Variants in CRPPA observed in about 807,000 individuals in gnomAD.
CRPPA encodes CDP-L-ribitol pyrophosphorylase A, also known as D-ribitol-5-phosphate cytidylyltransferase.
CRPPA carries 43 observed loss-of-function variants against 52.0 expected under a neutral mutation model. The ratio of observed to expected loss-of-function variants is 0.83; its 90% CI spans 0.65 to 1.07. The LOEUF (loss-of-function observed/expected upper bound fraction) is 1.07, where lower values mean the gene tolerates loss of function less well. Ranked by LOEUF, CRPPA falls within the 50% of genes least tolerant of loss-of-function variation. The pLI is 0.00. For missense variants in CRPPA, 629 were observed against 551.7 expected (o/e 1.14, Z -1.40); for synonymous variants, 250 against 203.5 (o/e 1.23, Z -1.94).
intron 3 of CRPPA, among the ~76,000 whole-genome samples, chr7:16,328,176 C>G (rs1453130726): frequency 1.3e-5 from 2 of 152,150 alleles, no homozygotes; most frequent in Non-Finnish European, 2.9e-5. Context: ...ATACTTAAGT[C>G]TTTTTATTTT....
chr7:16,138,973 TG>T (rs1782814128), intron 9 of CRPPA, among the ~76,000 whole-genome samples: 1 of 152,134 alleles, frequency 6.6e-6, no homozygotes, highest in Non-Finnish European at 1.5e-5. Flanking sequence ...AGCTAATTTT[TG>T]TATTTTTAGT....
intron 9 of CRPPA, among the ~76,000 whole-genome samples, chr7:16,156,745 T>A (rs1783188562): frequency 6.6e-6 from 1 of 152,222 alleles, no homozygotes; most frequent in East Asian, 1.9e-4. Flanking sequence ...CATAATAGCA[T>A]ATCTTAAGAA....
intron 3 of CRPPA, among the ~76,000 whole-genome samples, chr7:16,355,844 G>C (rs1786280910): frequency 6.6e-6 from 1 of 152,186 alleles, no homozygotes; most frequent in South Asian, 2.1e-4. Context: ...AGTGACTTGA[G>C]TAGGCATCTG....
intron 8 of CRPPA, among the ~76,000 whole-genome samples, chr7:16,253,740 A>T (rs1262799660): frequency 6.6e-6 from 1 of 152,130 alleles, no homozygotes; most frequent in African/African-American, 2.4e-5. Context: ...GACAAACGGG[A>T]TCTAATTAAA....
At chr7:16,166,130 A>T (rs1158982618) in intron 9 of CRPPA, among the ~76,000 whole-genome samples, 1 of 152,144 alleles carries the variant, frequency 6.6e-6, no homozygotes, top group African/African-American at 2.4e-5. Flanking sequence ...TTTCCAGCAG[A>T]CTTTGTTAAT....
intron 4 of CRPPA, among the ~76,000 whole-genome samples, chr7:16,305,265 T>C (rs1784882884): frequency 6.6e-6 from 1 of 152,132 alleles, no homozygotes; most frequent in African/African-American, 2.4e-5. Flanking sequence ...ATATTTGCAT[T>C]CTAGCATCAC....
At chr7:16,147,368 A>G (rs1583389690) in intron 9 of CRPPA, among the ~76,000 whole-genome samples, 3 of 152,286 alleles carry the variant, frequency 2.0e-5, no homozygotes, top group Middle Eastern at 6.8e-3. Flanking sequence ...ATACACTCCC[A>G]GGGATTAACC....
intron 3 of CRPPA, among the ~76,000 whole-genome samples, chr7:16,336,357 GAGAA>G (rs1250467334): frequency 6.6e-6 from 1 of 152,192 alleles, no homozygotes; most frequent in East Asian, 1.9e-4. Context: ...ATCAAAATAA[GAGAA>G]AGGGAGAGTG....
At chr7:16,360,709 A>G (rs1008657291) in intron 3 of CRPPA, among the ~76,000 whole-genome samples, 7 of 152,214 alleles carry the variant, frequency 4.6e-5, no homozygotes, top group Admixed American at 2.0e-4. Flanking sequence ...ACATCGTGAC[A>G]TATACAAAAG....
Position 16,258,968 on chromosome 7 carries a change from A to G in CRPPA, c.978T>C (p.His326=). 2.5e-6 allele frequency: 4 copies of G among 1,611,512 alleles called. No homozygotes were observed. Among genetic ancestry groups the G allele is most frequent in the Non-Finnish European group, 3.4e-6 (4 of 1,178,542 alleles). ...ATTGATCTAAGATGATTTGCTGAAG[A>G]TGTCTGCCAGCATGACCCAGAGCCT... The part of the protein sequence containing the change: ...TSEALGHAGR[H]LQQIILDQCY... The change falls in exon 7 of 10, where the codon CAT becomes CAC. Residue 326 remains histidine, a synonymous_variant. Transcript: ENST00000407010.
At chr7:16,205,929 C>T (rs1234086322) in intron 9 of CRPPA, among the ~76,000 whole-genome samples, 2 of 151,968 alleles carry the variant, frequency 1.3e-5, no homozygotes, top group African/African-American at 4.8e-5. Flanking sequence ...AAATGTAAAT[C>T]TTAGTAATAT....
At chr7:16,133,732 A>G (rs1469772243) in intron 9 of CRPPA, among the ~76,000 whole-genome samples, 1 of 124,694 alleles carries the variant, frequency 8.0e-6, no homozygotes, top group African/African-American at 2.6e-5. Context: ...CAAAAAGTTA[A>G]GAAAAGTCAT....
chr7:16,388,917 G>C (rs935844531), intron 2 of CRPPA, among the ~76,000 whole-genome samples: 26 of 151,962 alleles, frequency 1.7e-4, no homozygotes, highest in Admixed American at 3.9e-4. Context: ...GAAAAAAAAA[G>C]GCAAATTAAT....
Position 16,143,787 on chromosome 7 carries a change from G to T in CRPPA, c.1252-51988C>A, listed in dbSNP as rs554658222. 2.0e-4 allele frequency among the ~76,000 whole-genome samples: 31 copies of T among 152,042 alleles called. 1 individual carries two copies. The highest frequency in any genetic ancestry group is 4.6e-4 in the Admixed American group (7 of 15,262). ...TTTTCAGAAAAGACACTTCTAGAGG[G>T]GTACCATCTGGAAAAGTATGGCAGT... On this transcript the variant is annotated intron_variant, in intron 9 of 9. Coordinates refer to ENST00000407010, the MANE Select transcript of CRPPA (RefSeq NM_001101426.4).
At chr7:16,270,628 T>C (rs1248491179) in intron 6 of CRPPA, 1 of 152,122 alleles carries the variant, frequency 6.6e-6, no homozygotes, top group African/African-American at 2.4e-5. Context: ...GGCTAGTTTC[T>C]ATATTCTTGT....
chr7:16,375,689 A>G (rs536103972), intron 3 of CRPPA, among the ~76,000 whole-genome samples: 2 of 152,092 alleles, frequency 1.3e-5, no homozygotes, highest in Non-Finnish European at 2.9e-5. Flanking sequence ...CTGAACACCA[A>G]CTTTCCTTCT....
At chr7:16,375,143 C>T (rs1348294751) in intron 3 of CRPPA, among the ~76,000 whole-genome samples, 1 of 152,164 alleles carries the variant, frequency 6.6e-6, no homozygotes, top group African/African-American at 2.4e-5. Flanking sequence ...CCATGTTCTA[C>T]GATGACCATG....
intron 9 of CRPPA, among the ~76,000 whole-genome samples, chr7:16,193,149 T>C (rs943577895): frequency 1.3e-5 from 2 of 152,166 alleles, no homozygotes; most frequent in Non-Finnish European, 2.9e-5. Flanking sequence ...AGAACTGTTA[T>C]CCTGTCAATC....
At chr7:16,334,335 C>A (rs964280840) in intron 3 of CRPPA, among the ~76,000 whole-genome samples, 6 of 152,120 alleles carry the variant, frequency 3.9e-5, no homozygotes, top group African/African-American at 1.4e-4. Context: ...CCCTGGTGTT[C>A]TTGTTATATC....
Sources: gnomAD v4.1 joint callset for allele counts (sites outside exome capture counted in the v4.1 genomes callset) on GRCh38, gnomAD v4.1.1 for gene constraint, MANE v1.5 for transcripts, NCBI Gene and HGNC (gene_info 2026-07-23, HGNC 2026-07-21) for gene names.